Variants in RPS6KL1 observed in about 807,000 individuals in gnomAD.
The protein encoded by RPS6KL1 is ribosomal protein S6 kinase-like 1.
RPS6KL1 carries 41 observed loss-of-function variants against 57.0 expected under a neutral mutation model. The observed-to-expected ratio is 0.72, with a 90% CI of 0.56 to 0.93. The LOEUF (loss-of-function observed/expected upper bound fraction) is 0.93, where lower values mean the gene tolerates loss of function less well. RPS6KL1 is among the 40% of genes least tolerant of loss of function. The pLI is 0.00. For synonymous variants in RPS6KL1, 287 were observed against 309.7 expected (o/e 0.93, Z 0.77); for missense variants, 697 against 727.7 (o/e 0.96, Z 0.49).
rs1885018070 is a variant in RPS6KL1, at chr14:74,907,087, C to T, written c.1577G>A (p.Gly526Glu). 1 of 1,613,726 alleles carries T rather than the reference C, an allele frequency of 6.2e-7. No individual in the cohort carries two copies. The highest frequency in any genetic ancestry group is 8.5e-7 in the Non-Finnish European group (1 of 1,179,844). Residue 526 changes from glycine (G) to glutamate (E), a missense_variant, in exon 12 of 12, where the codon GGA becomes GAA. Physicochemically the swap from Gly to Glu is moderately conservative, Grantham distance 98 (BLOSUM62 -2). Transcript: ENST00000557413. ...QFEPTRRLGMGEGGVSKLKSH... is the reference protein window; with the variant it reads ...QFEPTRRLGMEEGGVSKLKSH... ...CTTGAGTTTGCTGACACCACCTTCTCCCATGCCCAGGCGCCGGGTAGGCTC... is the reference window on the plus strand; with the variant it reads ...CTTGAGTTTGCTGACACCACCTTCTTCCATGCCCAGGCGCCGGGTAGGCTC...
Position 74,911,271 on chromosome 14 carries a change from A to C in RPS6KL1, c.641T>G (p.Phe214Cys). The change falls in exon 7 of 12, where the codon TTC becomes TGC. Residue 214 changes from phenylalanine to cysteine, a missense_variant. Phe to Cys is a radical substitution (Grantham distance 205). Coordinates refer to ENST00000557413, the MANE Select transcript of RPS6KL1 (RefSeq NM_031464.5). ...LRYFVSEDSI[F>C]LHLEHVQGGT... ...ACCTTGCACATGCTCCAGGTGCAGG[A>C]AGATGGAGTCCTCGCTCACAAAGTA... 1 of 1,612,640 alleles carries C rather than the reference A, an allele frequency of 6.2e-7. No individual in the cohort carries two copies. The highest frequency in any genetic ancestry group is 1.1e-5 in the South Asian group (1 of 91,080).
chr14:74,920,001 G>C (rs1048825465), intron 3 of RPS6KL1, 32 bp from the exon 4 acceptor site: 1 of 1,613,652 alleles, frequency 6.2e-7, no homozygotes, highest in Non-Finnish European at 8.5e-7. Flanking sequence ...AGGGTCCCCA[G>C]CCATGGCCTC....
chr14:74,910,214 G>A (rs1594914074), intron 7 of RPS6KL1, 66 bp from the exon 8 acceptor site: 26 of 1,475,266 alleles, frequency 1.8e-5, no homozygotes, highest in African/African-American at 8.4e-5. Context: ...TGCCAGGGCC[G>A]GCTCCCACTC....
intron 3 of RPS6KL1, 28 bp downstream of exon 3, chr14:74,921,249 C>A: frequency 8.2e-7 from 1 of 1,224,944 alleles, no homozygotes; most frequent in South Asian, 1.2e-5. Flanking sequence ...CCCCACCCAC[C>A]CCAGCCCTGC....
chr14:74,917,397 G>A (rs977394117), intron 5 of RPS6KL1, among the ~76,000 whole-genome samples: 21 of 152,202 alleles, frequency 1.4e-4, no homozygotes, highest in Non-Finnish European at 2.9e-4. Flanking sequence ...CCTCTTGCCT[G>A]TGGGAAGTAC....
At position 74,908,915 on chromosome 14, in the gene RPS6KL1, C is replaced by A. The variant is rs148351182; in HGVS notation, c.1378G>T (p.Glu460Ter). 3 of 1,613,740 alleles carry A rather than the reference C, an allele frequency of 1.9e-6. No individual in the cohort carries two copies. Among genetic ancestry groups the A allele is most frequent in the Non-Finnish European group, 2.5e-6 (3 of 1,179,774 alleles). Residue 460 changes from glutamate (E) to a stop codon, truncating the protein, a stop_gained, in exon 10 of 12, where the codon GAG becomes TAG. Transcript: ENST00000557413. LOFTEE classifies it high-confidence loss of function. ...YSAPEVGGIS[E>*]LTEACDWWSF... The stretch of plus-strand genomic sequence containing the variant: ...CACCAGTCACAGGCTTCCGTCAGCT[C>A]GGAAATCCCACCCACCTCTGTGGGA...
chr14:74,915,033 A>G (rs1480398257), intron 5 of RPS6KL1, among the ~76,000 whole-genome samples: 2 of 152,166 alleles, frequency 1.3e-5, no homozygotes, highest in African/African-American at 4.8e-5. Context: ...TTTGAACCTC[A>G]GTTTAATTCT....
At chr14:74,920,913 T>C (rs1470730603) in intron 3 of RPS6KL1, among the ~76,000 whole-genome samples, 1 of 152,162 alleles carries the variant, frequency 6.6e-6, no homozygotes, top group East Asian at 1.9e-4. Flanking sequence ...TGCCATTTGA[T>C]AGCTGTGGAG....
At position 74,905,580 on chromosome 14, in the gene RPS6KL1, A is replaced by C. The variant is rs1365255333; in HGVS notation, c.*1434T>G. 2 of 152,046 alleles carry C rather than the reference A, an allele frequency of 1.3e-5. No individual in the cohort carries two copies. The highest frequency in any genetic ancestry group is 2.9e-5 in the Non-Finnish European group (2 of 68,082). 9.4% of individuals were successfully genotyped at this position (152,046 alleles called of 1,614,324 possible). ...CTTGACTTCACTCTGGAGCTTCTAC[A>C]GGGGAGCCTTCCAACCTGCCCCAAT... On this transcript the variant is annotated 3_prime_UTR_variant, in exon 12 of 12. Transcript: ENST00000557413.
rs1446681060 is a variant in RPS6KL1, at chr14:74,907,430, C to T, written c.1539+5G>A. On this transcript the variant is annotated splice_donor_5th_base_variant and intron_variant, in intron 11 of 11. Coordinates refer to ENST00000557413, the MANE Select transcript of RPS6KL1 (RefSeq NM_031464.5). ...GCTGCTTCCTCTGGCCGGGCTACACCTCACCTCAGTCAGCAGAGAGGCCGC... is the reference window on the plus strand; with the variant it reads ...GCTGCTTCCTCTGGCCGGGCTACACTTCACCTCAGTCAGCAGAGAGGCCGC... 1 of 1,570,156 alleles carries T rather than the reference C, an allele frequency of 6.4e-7. No homozygotes were observed. Among genetic ancestry groups the T allele is most frequent in the Non-Finnish European group, 8.6e-7 (1 of 1,158,234 alleles).
rs1010242226 is a variant in RPS6KL1, at chr14:74,906,737, C to T, written c.*277G>A. ...AAGGCAACCTTTAACATGGTGAGTCCACATGCTCAACGGGTCTGTTGACTG... is the reference window on the plus strand; with the variant it reads ...AAGGCAACCTTTAACATGGTGAGTCTACATGCTCAACGGGTCTGTTGACTG... On this transcript the variant is annotated 3_prime_UTR_variant, in exon 12 of 12. Transcript: ENST00000557413. 4.2e-5 allele frequency: 26 copies of T among 612,276 alleles called. No individual in the cohort carries two copies. Among genetic ancestry groups the T allele is most frequent in the African/African-American group, 1.5e-4 (8 of 54,882 alleles). The allele number at this position is 612,276 out of a possible 1,614,324, so 37.9% of individuals were successfully genotyped here.
At chr14:74,919,330 G>A (rs796944874) in intron 4 of RPS6KL1, among the ~76,000 whole-genome samples, 8 of 152,394 alleles carry the variant, frequency 5.2e-5, no homozygotes, top group African/African-American at 1.7e-4. Flanking sequence ...ACGCGCAACC[G>A]TGGGGTAAGA....
rs1487993399 is a variant in RPS6KL1 at position 74,909,848 on chromosome 14, G to A, written c.965C>T (p.Pro322Leu). 6.2e-7 allele frequency: 1 copy of A among 1,612,612 alleles called. No individual in the cohort carries two copies. The highest frequency in any genetic ancestry group is 1.1e-5 in the South Asian group (1 of 90,928). ...AGCTTGAAGGTGCAGGTGGCCACCT[G>A]GGGCCTTTGGAAGGTCCGAGGAGCC... is the stretch of plus-strand genomic sequence containing the variant. ...TSGSSDLPKA[P>L]GGHLHLQARR... The change falls in exon 8 of 12, where the codon CCA (proline) becomes CTA (leucine). Residue 322 changes from proline to leucine, a missense_variant. Physicochemically the swap from Pro to Leu is moderately conservative, Grantham distance 98 (BLOSUM62 -3). Coordinates refer to ENST00000557413, the MANE Select transcript of RPS6KL1 (RefSeq NM_031464.5).
chr14:74,921,596 T>C, intron 2 of RPS6KL1, 35 bp from the exon 3 acceptor site: 1 of 1,577,638 alleles, frequency 6.3e-7, no homozygotes, highest in Non-Finnish European at 8.6e-7. Flanking sequence ...AGGACCTAGC[T>C]GGTAGCAACA....
At chr14:74,920,729 CTCT>C (rs1202241816) in intron 3 of RPS6KL1, among the ~76,000 whole-genome samples, 5 of 152,218 alleles carry the variant, frequency 3.3e-5, no homozygotes, top group Non-Finnish European at 7.3e-5. Flanking sequence ...CCTCTTTCCT[CTCT>C]TCACTTCCCC....
chr14:74,914,010 G>A (rs1886452064), intron 5 of RPS6KL1, among the ~76,000 whole-genome samples: 1 of 152,222 alleles, frequency 6.6e-6, no homozygotes, highest in East Asian at 1.9e-4. Flanking sequence ...GCTGATCCCG[G>A]AGCCCTGCAG....
chr14:74,907,188 G>A (rs1338524789), intron 11 of RPS6KL1, 64 bp from the exon 12 acceptor site: 1 of 1,433,748 alleles, frequency 7.0e-7, no homozygotes, highest in Non-Finnish European at 9.6e-7. Context: ...GACCTCCAGG[G>A]ACTCCAACCA....
chr14:74,910,152 G>C lies in RPS6KL1; in HGVS notation c.665-4C>G. Reference sequence around the variant, plus strand: ...AGGTGGGACCAGAGAGTGCCTCCTGGGCCATGCAGAGGGAGCGGTGAGCGT... The same window carrying C: ...AGGTGGGACCAGAGAGTGCCTCCTGCGCCATGCAGAGGGAGCGGTGAGCGT... On this transcript the variant is annotated splice_region_variant and splice_polypyrimidine_tract_variant and intron_variant, in intron 7 of 11. Coordinates refer to ENST00000557413, the MANE Select transcript of RPS6KL1 (RefSeq NM_031464.5). 6.6e-7 allele frequency: 1 copy of C among 1,520,194 alleles called. No homozygotes were observed. Among genetic ancestry groups the C allele is most frequent in the Non-Finnish European group, 8.8e-7 (1 of 1,140,082 alleles). The allele number at this position is 1,520,194 out of a possible 1,614,324, so 94.2% of individuals were successfully genotyped here.
At position 74,907,057 on chromosome 14, in the gene RPS6KL1, T is replaced by C. The variant is rs2140238602; in HGVS notation, c.1607A>G (p.His536Arg). Residue 536 changes from histidine (H) to arginine (R), a missense_variant, in exon 12 of 12, where the codon CAT becomes CGT. By Grantham distance (29) the His-to-Arg change is conservative (BLOSUM62 0). Transcript: ENST00000557413. ...CCATTGGATGGTACTGAAAAAGGGA[T>C]GGGACTTGAGTTTGCTGACACCACC... ...GEGGVSKLKS[H>R]PFFSTIQWSK... The C allele has an allele frequency of 6.2e-7, 1 of 1,613,746 alleles. No individual in the cohort carries two copies. Among genetic ancestry groups the C allele is most frequent in the Non-Finnish European group, 8.5e-7 (1 of 1,179,852 alleles).
Sources: gnomAD v4.1 joint callset for allele counts (sites outside exome capture counted in the v4.1 genomes callset) on GRCh38, gnomAD v4.1.1 for gene constraint, MANE v1.5 for transcripts, NCBI Gene and HGNC (gene_info 2026-07-23, HGNC 2026-07-21) for gene names.